CPEB3: variants seen among roughly 807,000 people sequenced by gnomAD.
The protein encoded by CPEB3 is cytoplasmic polyadenylation element binding protein 3.
A neutral mutation model predicts 67.2 loss-of-function variants in CPEB3; 20 were observed. The observed-to-expected ratio is 0.30, with a 90% CI of 0.21 to 0.43. The LOEUF is 0.43. Among genes scored for constraint, CPEB3 ranks in the 20% least tolerant of loss-of-function variants. The pLI is 1.00. For synonymous variants in CPEB3, 376 were observed against 393.1 expected (o/e 0.96, Z 0.51); for missense variants, 746 against 968.6 (o/e 0.77, Z 3.05).
chr10:92,071,660 A>T (rs1021230288), intron 9 of CPEB3, among the ~76,000 whole-genome samples: 1 of 151,850 alleles, frequency 6.6e-6, no homozygotes, highest in Admixed American at 6.6e-5. Context: ...GCTTGAACCC[A>T]GGCAGCAGAG....
At chr10:92,162,146 T>C (rs1227100074) in intron 4 of CPEB3, among the ~76,000 whole-genome samples, 2 of 152,202 alleles carry the variant, frequency 1.3e-5, no homozygotes, top group Non-Finnish European at 2.9e-5. Context: ...GAATTCTTTT[T>C]TTTTTTAAGA....
rs991633593 is a variant in CPEB3, at chr10:92,181,109, A to G, written c.1166-90T>C. ...AATATAAACATTACAAAAATCTAAA[A>G]CAGATTAATCTATAACAATGCTATC... On this transcript the variant is annotated intron_variant, in intron 3 of 9. Transcript: ENST00000265997. 5.4e-5 allele frequency: 39 copies of G among 726,094 alleles called. 2 individuals are homozygous for G. The highest frequency in any genetic ancestry group is 3.9e-4 in the South Asian group (24 of 61,586). The allele number at this position is 726,094 out of a possible 1,614,324, so 45.0% of individuals were successfully genotyped here.
chr10:92,150,203 C>T (rs1348339377), intron 4 of CPEB3, among the ~76,000 whole-genome samples: 2 of 151,826 alleles, frequency 1.3e-5, no homozygotes, highest in African/African-American at 2.4e-5. Context: ...GAATGGTTCA[C>T]GTGGTATTTC....
intron 6 of CPEB3, among the ~76,000 whole-genome samples, chr10:92,127,077 G>GA (rs1012736231): frequency 1.6e-4 from 25 of 152,038 alleles, no homozygotes; most frequent in Non-Finnish European, 2.8e-4. Flanking sequence ...TTGCAGTCTG[G>GA]AAAAAAAGTC....
intron 1 of CPEB3, among the ~76,000 whole-genome samples, chr10:92,269,328 G>A (rs926252471): frequency 2.0e-5 from 3 of 151,974 alleles, no homozygotes; most frequent in Admixed American, 2.0e-4. Flanking sequence ...AAATACTATA[G>A]GAAGTTTTAG....
chr10:92,229,292 G>A (rs956061221), intron 2 of CPEB3, among the ~76,000 whole-genome samples: 14 of 152,020 alleles, frequency 9.2e-5, no homozygotes, highest in Non-Finnish European at 1.6e-4. Flanking sequence ...CCTTGGCCCC[G>A]CAAAGTGCTA....
chr10:92,106,904 T>C lies in CPEB3; in HGVS notation c.1572+4172A>G, dbSNP rs1411479847. On this transcript the variant is annotated intron_variant, in intron 7 of 9. Transcript: ENST00000265997. ...GAAGAAAGGAATCAAGATGAGAGCA[T>C]AGATATTTCTGTTTGGTTAAAATAT... 2.8e-5 allele frequency among the ~76,000 whole-genome samples: 4 copies of C among 140,554 alleles called. 1 individual carries two copies. The highest frequency in any genetic ancestry group is 4.5e-4 in the South Asian group (2 of 4,432). The allele number at this position is 140,554 out of a possible 152,430, so 92.2% of individuals were successfully genotyped here.
At chr10:92,071,025 C>T (rs928035930) in intron 9 of CPEB3, among the ~76,000 whole-genome samples, 2 of 150,834 alleles carry the variant, frequency 1.3e-5, no homozygotes, top group African/African-American at 2.4e-5. Context: ...TCAGTGCTAT[C>T]GTATATTGAC....
intron 4 of CPEB3, among the ~76,000 whole-genome samples, chr10:92,147,053 C>A (rs1846719348): frequency 2.0e-5 from 3 of 152,146 alleles, no homozygotes; most frequent in African/African-American, 7.2e-5. Context: ...ATTAGATACT[C>A]AGAAAACGAG....
chr10:92,218,898 T>C (rs1850565496), intron 2 of CPEB3, among the ~76,000 whole-genome samples: 1 of 152,072 alleles, frequency 6.6e-6, no homozygotes, highest in Non-Finnish European at 1.5e-5. Context: ...CGCTGCAGCC[T>C]CGACTTCCTA....
intron 9 of CPEB3, among the ~76,000 whole-genome samples, chr10:92,079,378 G>A (rs1843053623): frequency 6.6e-6 from 1 of 152,078 alleles, no homozygotes. Flanking sequence ...AGTCTTGTGG[G>A]GGTTTACAGT....
intron 6 of CPEB3, among the ~76,000 whole-genome samples, chr10:92,138,523 AAG>A (rs1312291157): frequency 9.5e-4 from 144 of 151,564 alleles, no homozygotes; most frequent in Non-Finnish European, 1.9e-3. Context: ...AAAAAAAAAA[AAG>A]GGAGGGTGAA....
intron 2 of CPEB3, among the ~76,000 whole-genome samples, chr10:92,211,733 G>A (rs1171574014): frequency 6.6e-6 from 1 of 150,726 alleles, no homozygotes; most frequent in African/African-American, 2.4e-5. Flanking sequence ...AGTAGAGACC[G>A]GGTTTCACTA....
chr10:92,289,732 A>AAAATATAT lies in CPEB3; in HGVS notation c.-12+1193_-12+1194insATATATTT. 1.1e-3 allele frequency among the ~76,000 whole-genome samples: 85 copies of AAAATATAT among 75,756 alleles called. 1 individual carries two copies. Among genetic ancestry groups the AAAATATAT allele is most frequent in the African/African-American group, 1.5e-3 (29 of 19,590 alleles). 49.7% of individuals were successfully genotyped at this position (75,756 alleles called of 152,430 possible). ...CGCGTCTCTACCAAAAAAAAAAAAA[A>AAAATATAT]ATATATATATATATATATATATATA... On this transcript the variant is annotated intron_variant, in intron 1 of 9. Coordinates refer to ENST00000265997, the MANE Select transcript of CPEB3 (RefSeq NM_014912.5).
intron 9 of CPEB3, among the ~76,000 whole-genome samples, chr10:92,066,746 G>A (rs1390957943): frequency 6.6e-6 from 1 of 152,134 alleles, no homozygotes; most frequent in Non-Finnish European, 1.5e-5. Flanking sequence ...TACAAAGAAT[G>A]TCTAAACATA....
At chr10:92,154,501 G>A (rs563545559) in intron 4 of CPEB3, among the ~76,000 whole-genome samples, 29 of 152,296 alleles carry the variant, frequency 1.9e-4, no homozygotes, top group African/African-American at 7.0e-4. Context: ...TTGAGCTGAT[G>A]TTCAAGTTAT....
At chr10:92,176,547 A>G (rs1372744121) in intron 4 of CPEB3, among the ~76,000 whole-genome samples, 3 of 152,242 alleles carry the variant, frequency 2.0e-5, no homozygotes, top group Non-Finnish European at 4.4e-5. Flanking sequence ...ACTGAATGAT[A>G]CTATTCCTTA....
At chr10:92,167,907 T>TA (rs1847820557) in intron 4 of CPEB3, among the ~76,000 whole-genome samples, 1 of 150,628 alleles carries the variant, frequency 6.6e-6, no homozygotes, top group African/African-American at 2.5e-5. Context: ...AGACTCTGTC[T>TA]CAAAAAAAAT....
chr10:92,202,326 G>A (rs1849560152), intron 2 of CPEB3, among the ~76,000 whole-genome samples: 2 of 151,854 alleles, frequency 1.3e-5, no homozygotes, highest in Non-Finnish European at 2.9e-5. Flanking sequence ...CATATACACT[G>A]ATGTTTATAA....
Sources: gnomAD v4.1 joint callset for allele counts (sites outside exome capture counted in the v4.1 genomes callset) on GRCh38, gnomAD v4.1.1 for gene constraint, MANE v1.5 for transcripts, NCBI Gene and HGNC (gene_info 2026-07-23, HGNC 2026-07-21) for gene names.